Variants in PLEKHG5 observed in about 807,000 individuals in gnomAD.
PLEKHG5 encodes pleckstrin homology domain-containing family G member 5.
A neutral mutation model predicts 103.8 loss-of-function variants in PLEKHG5; 52 were observed. The ratio of observed to expected loss-of-function variants is 0.50; its 90% confidence interval spans 0.40 to 0.63. The LOEUF is 0.63. PLEKHG5 is among the 30% of genes least tolerant of loss of function. PLEKHG5 has a pLI of 0.00. For synonymous variants in PLEKHG5, 592 were observed against 575.5 expected, an observed-to-expected ratio of 1.03 and a Z score of -0.41; for missense variants, 1,205 against 1,347.6, an observed-to-expected ratio of 0.89 and a Z score of 1.66.
chr1:6,485,187 TG>T, intron 1 of PLEKHG5: 2 of 561,052 alleles, frequency 3.6e-6, no homozygotes, highest in Non-Finnish European at 5.4e-6. Context: ...TCGGCCGCCA[TG>T]GGCCGCATCC....
intron 1 of PLEKHG5, among the ~76,000 whole-genome samples, chr1:6,509,858 G>A (rs1160236940): frequency 1.3e-5 from 2 of 152,212 alleles, no homozygotes; most frequent in Non-Finnish European, 2.9e-5. Flanking sequence ...GGAGCCTGGC[G>A]CAGGGTGAGT....
chr1:6,503,131 G>A (rs926898977), intron 1 of PLEKHG5, among the ~76,000 whole-genome samples: 1 of 152,202 alleles, frequency 6.6e-6, no homozygotes, highest in Non-Finnish European at 1.5e-5. Context: ...AGAGCTTTGA[G>A]GCTGGACATG....
chr1:6,468,420 C>A lies in PLEKHG5; in HGVS notation c.2416G>T (p.Gly806Cys). The A allele has an allele frequency of 1.9e-6, 3 of 1,612,414 alleles. No homozygotes were observed. Among genetic ancestry groups the A allele is most frequent in the Non-Finnish European group, 2.5e-6 (3 of 1,179,592 alleles). ...ATPTSELLPL[G>C]PVDGRSCSMD... The stretch of plus-strand genomic sequence containing the variant: ...GAGCAGGAGCGGCCGTCCACCGGAC[C>A]CAGGGGCAGCAGCTCACTGGTGGGC... Residue 806 changes from glycine (G) to cysteine (C), a missense_variant, in exon 20 of 21, where the codon GGT becomes TGT. Coordinates refer to ENST00000377728, the MANE Select transcript of PLEKHG5 (RefSeq NM_020631.6).
intron 1 of PLEKHG5, among the ~76,000 whole-genome samples, chr1:6,489,108 G>C (rs777526700): frequency 2.0e-5 from 3 of 152,170 alleles, no homozygotes; most frequent in Non-Finnish European, 4.4e-5. Flanking sequence ...CCAGGAGTCC[G>C]AGCTCTCTGG....
chr1:6,503,889 C>T (rs897426309), intron 1 of PLEKHG5, among the ~76,000 whole-genome samples: 1 of 152,160 alleles, frequency 6.6e-6, no homozygotes. Flanking sequence ...GCATCTGAGC[C>T]GTGAGGGCAT....
In PLEKHG5 at chr1:6,490,693, G is replaced by T. The variant is rs544942555; in HGVS notation, c.-88+944C>A. ...GGACCGGGGAGAGGAGGGGTCCCAG[G>T]AAGGGCCCCGCGCCGGAGCCAGGGA... On this transcript the variant is annotated intron_variant, in intron 1 of 20. Transcript: ENST00000377728. The surrounding 1 kb of genome is among the most constrained non-coding windows in gnomAD (Gnocchi z 8.0). 11 of 748,418 alleles carry T rather than the reference G, an allele frequency of 1.5e-5. No individual in the cohort carries two copies. The African/African-American group carries it at 1.7e-4, about 12-fold the overall frequency. The allele number at this position is 748,418 out of a possible 1,614,324, so 46.4% of individuals were successfully genotyped here. A position where few individuals can be genotyped will look rare whatever the true frequency, so the allele number is the denominator to read the frequency against.
At chr1:6,498,442 C>A (rs1476161981), upstream of PLEKHG5, among the ~76,000 whole-genome samples, 1 of 152,182 alleles carries the variant, frequency 6.6e-6, no homozygotes, top group Admixed American at 6.5e-5. Context: ...TAGCACGGAT[C>A]CCGGGTCTCC....
intron 1 of PLEKHG5, among the ~76,000 whole-genome samples, chr1:6,509,697 G>A (rs1638422078): frequency 6.6e-6 from 1 of 152,222 alleles, no homozygotes; most frequent in Non-Finnish European, 1.5e-5. Flanking sequence ...CCCCCGGCAG[G>A]GGAGGGCTTG....
intron 1 of PLEKHG5, among the ~76,000 whole-genome samples, chr1:6,479,373 G>A (rs1391749514): frequency 7.5e-6 from 1 of 133,848 alleles, no homozygotes; most frequent in Non-Finnish European, 1.5e-5. Context: ...TGCAAGCTCC[G>A]CCTCCTCGGT....
chr1:6,468,224 G>T lies in PLEKHG5; in HGVS notation c.2612C>A (p.Pro871His). Residue 871 changes from proline to histidine, a missense_variant, in exon 20 of 21, where the codon CCC becomes CAC. By Grantham distance (77) the Pro-to-His change is moderately conservative. Transcript: ENST00000377728. Reference protein sequence around the residue: ...RTPVQLLSCPPHLLKSKSEAS... With the variant: ...RTPVQLLSCPHHLLKSKSEAS... ...CTCGGACTTAGACTTGAGCAGGTGGGGCGGGCAGCTCAACAGCTGGACAGG... is the reference window on the plus strand; with the variant it reads ...CTCGGACTTAGACTTGAGCAGGTGGTGCGGGCAGCTCAACAGCTGGACAGG... 6.3e-7 allele frequency: 1 copy of T among 1,590,132 alleles called. No individual in the cohort carries two copies. The highest frequency in any genetic ancestry group is 8.6e-7 in the Non-Finnish European group (1 of 1,165,632).
intron 1 of PLEKHG5, among the ~76,000 whole-genome samples, chr1:6,484,207 G>A (rs1283457836): frequency 2.0e-5 from 3 of 152,148 alleles, no homozygotes; most frequent in Non-Finnish European, 2.9e-5. Context: ...AATACGGACT[G>A]AGCCCTATGA....
chr1:6,476,128 G>A, intron 2 of PLEKHG5, 92 bp from the exon 3 acceptor site: 1 of 1,043,642 alleles, frequency 9.6e-7, no homozygotes, highest in Non-Finnish European at 1.5e-6. Context: ...CTGTTACCCT[G>A]GAACCCCCAG....
chr1:6,515,597 T>C (rs1189054078), intron 1 of PLEKHG5, among the ~76,000 whole-genome samples: 1 of 150,406 alleles, frequency 6.6e-6, no homozygotes, highest in Admixed American at 6.6e-5. Context: ...AAGGCTGAGG[T>C]GGGAGAATCA....
In PLEKHG5 at chr1:6,491,626, C is replaced by T; in HGVS notation, c.-88+11G>A. ...CCAGGAGAATAGGTGATTGCCTCTC[C>T]CATTACTCACATCCTGCCCGTCCCT... On this transcript the variant is annotated intron_variant, in intron 1 of 20. Transcript: ENST00000377728. This position sits in a 1 kb window ranked among gnomAD's most constrained non-coding sequence, Gnocchi z 4.1. 1.0e-6 allele frequency: 1 copy of T among 983,458 alleles called. No individual in the cohort carries two copies. The highest frequency in any genetic ancestry group is 1.2e-6 in the Non-Finnish European group (1 of 828,214). 60.9% of individuals were successfully genotyped at this position (983,458 alleles called of 1,614,324 possible). A position where few individuals can be genotyped will look rare whatever the true frequency, so the allele number is the denominator to read the frequency against.
intron 20 of PLEKHG5, 27 bp downstream of exon 20, chr1:6,467,798 T>G (rs1569826712): frequency 6.2e-7 from 1 of 1,612,050 alleles, no homozygotes; most frequent in East Asian, 2.2e-5. Context: ...CTGAGCCACC[T>G]GCCCTACCCC....
At chr1:6,469,273 A>G (rs763793344) in intron 18 of PLEKHG5, 32 bp from the exon 19 acceptor site, 1 of 1,613,754 alleles carries the variant, frequency 6.2e-7, no homozygotes, top group Non-Finnish European at 8.5e-7. Context: ...ATGGGACAGA[A>G]TGGGTTGTGA....
Position 6,470,635 on chromosome 1 carries a change from GGA to G in PLEKHG5, c.1549_1550del (p.Ser517ArgfsTer137). On this transcript the variant is annotated frameshift_variant, in exon 15 of 21. Transcript: ENST00000377728. LOFTEE classifies it high-confidence loss of function. ...TCACGTGGTGGATGAAGCGCTCCAC[GGA>G]GCCGATCTAGGGGCAGGTGAGGGAG... ...AKEAVVAMIG[S>X]VERFIHHVNA... The G allele has an allele frequency of 6.3e-7, 1 of 1,576,260 alleles. No homozygotes were observed. The highest frequency in any genetic ancestry group is 8.6e-7 in the Non-Finnish European group (1 of 1,166,758).
In PLEKHG5 at chr1:6,473,046, ATCCTCGTCTTCATCGTACTCC is replaced by A. The variant is rs1465693103; in HGVS notation, c.903_923del (p.Glu301_Glu307del). The A allele has an allele frequency of 3.1e-5, 50 of 1,613,886 alleles. No individual in the cohort carries two copies. The highest frequency in any genetic ancestry group is 4.2e-5 in the Non-Finnish European group (49 of 1,179,996). On this transcript the variant is annotated inframe_deletion, in exon 9 of 21. Transcript: ENST00000377728. Reference sequence around the variant, plus strand: ...CCAGCCTCAGGCAGGCATTGTCCTCATCCTCGTCTTCATCGTACTCCTCCTCCCAGGAGTCATGGTCGAAGC... The same window carrying A: ...CCAGCCTCAGGCAGGCATTGTCCTCATCCTCCCAGGAGTCATGGTCGAAGC...
intron 1 of PLEKHG5, among the ~76,000 whole-genome samples, chr1:6,508,270 C>T (rs897314788): frequency 6.6e-6 from 1 of 152,148 alleles, no homozygotes; most frequent in Admixed American, 6.5e-5. Context: ...AGGAGGAGGC[C>T]GGGCTCCACC....
Sources: gnomAD v4.1 joint callset for allele counts (sites outside exome capture counted in the v4.1 genomes callset) on GRCh38, gnomAD v4.1.1 for gene constraint, Gnocchi (gnomAD v3.1) non-coding constraint, MANE v1.5 for transcripts, NCBI Gene and HGNC (gene_info 2026-07-23, HGNC 2026-07-21) for gene names.